The following PARD3 variants were observed in gnomAD, a reference collection of about 807,000 sequenced individuals.
PARD3 encodes par-3 family cell polarity regulator.
PARD3 carries 75 observed loss-of-function variants against 155.4 expected under a neutral mutation model. The observed-to-expected ratio is 0.48, with a 90% CI of 0.40 to 0.58. PARD3 has a LOEUF of 0.58. Among genes scored for constraint, PARD3 ranks in the 20% least tolerant of loss-of-function variants. The pLI is 0.00. For synonymous variants in PARD3, 576 were observed against 610.5 expected, an observed-to-expected ratio of 0.94 and a Z score of 0.83; for missense variants, 1,642 against 1,721.7, an observed-to-expected ratio of 0.95 and a Z score of 0.82.
At chr10:34,387,535 C>T (rs1233912796) in intron 7 of PARD3, among the ~76,000 whole-genome samples, 1 of 152,148 alleles carries the variant, frequency 6.6e-6, no homozygotes, top group Admixed American at 6.5e-5. Flanking sequence ...CTGCCTCAGC[C>T]TCCTGAGTAG....
chr10:34,594,215 C>T (rs1352164349), intron 2 of PARD3, among the ~76,000 whole-genome samples: 1 of 152,082 alleles, frequency 6.6e-6, no homozygotes, highest in East Asian at 1.9e-4. Context: ...TTCTGTTCAA[C>T]CTAAGCATGC....
rs1844736689 is a variant in PARD3 at position 34,815,033 on chromosome 10, A to C, written c.-38T>G. ...GCGGGCGGGCCCGCGCCCCTCGCCGAGCGCAGCCGGAGCAGCCGAGGCCGG... is the reference window on the plus strand; with the variant it reads ...GCGGGCGGGCCCGCGCCCCTCGCCGCGCGCAGCCGGAGCAGCCGAGGCCGG... On this transcript the variant is annotated 5_prime_UTR_variant, in exon 1 of 25. Coordinates refer to ENST00000374788, the MANE Select transcript of PARD3 (RefSeq NM_001184785.2). The C allele has an allele frequency of 7.4e-7, 1 of 1,355,716 alleles. No homozygotes were observed. The allele number at this position is 1,355,716 out of a possible 1,614,324, so 84.0% of individuals were successfully genotyped here. A position where few individuals can be genotyped will look rare whatever the true frequency, so the allele number is the denominator to read the frequency against.
chr10:34,736,273 G>A (rs1337792926), intron 1 of PARD3, among the ~76,000 whole-genome samples: 14 of 150,534 alleles, frequency 9.3e-5, no homozygotes, highest in East Asian at 3.9e-4. Flanking sequence ...CTCATGATCC[G>A]CCTGCCTCGG....
intron 22 of PARD3, among the ~76,000 whole-genome samples, chr10:34,165,621 T>A (rs181878004): frequency 4.7e-4 from 71 of 152,316 alleles, no homozygotes; most frequent in African/African-American, 1.7e-3. Flanking sequence ...TCCCACTGCA[T>A]TCTCAAATGA....
At chr10:34,720,798 C>A (rs1218515375) in intron 1 of PARD3, among the ~76,000 whole-genome samples, 10 of 144,706 alleles carry the variant, frequency 6.9e-5, no homozygotes, top group Admixed American at 6.8e-5. Context: ...ACTCTGTCTC[C>A]AAAAAAAAAA....
chr10:34,471,962 T>C (rs910043872), intron 3 of PARD3, among the ~76,000 whole-genome samples: 1 of 152,192 alleles, frequency 6.6e-6, no homozygotes, highest in African/African-American at 2.4e-5. Context: ...TATGGAAACC[T>C]TGAGGATACC....
chr10:34,261,111 G>A (rs192190855), intron 22 of PARD3, among the ~76,000 whole-genome samples: 14 of 152,184 alleles, frequency 9.2e-5, no homozygotes, highest in Admixed American at 7.2e-4. Flanking sequence ...GACACAGTTC[G>A]TATTTTATTC....
intron 22 of PARD3, among the ~76,000 whole-genome samples, chr10:34,217,859 C>T (rs1564491155): frequency 1.3e-5 from 2 of 151,878 alleles, no homozygotes; most frequent in African/African-American, 4.8e-5. Flanking sequence ...GAGGTAGACA[C>T]CAAAAGGTAC....
intron 15 of PARD3, among the ~76,000 whole-genome samples, chr10:34,347,394 G>C (rs1837544686): frequency 6.6e-6 from 1 of 152,188 alleles, no homozygotes; most frequent in Non-Finnish European, 1.5e-5. Flanking sequence ...GGATGGTACT[G>C]AATCCAAACA....
intron 3 of PARD3, among the ~76,000 whole-genome samples, chr10:34,480,013 G>A (rs1489906818): frequency 3.9e-5 from 6 of 152,236 alleles, no homozygotes; most frequent in Non-Finnish European, 8.8e-5. Context: ...CAGGAAGGCT[G>A]AATAAGCCTG....
chr10:34,417,309 G>C (rs531680146), intron 5 of PARD3, among the ~76,000 whole-genome samples: 1 of 152,238 alleles, frequency 6.6e-6, no homozygotes, highest in East Asian at 1.9e-4. Flanking sequence ...CAGTATTCAG[G>C]TAAGAATGAA....
intron 2 of PARD3, among the ~76,000 whole-genome samples, chr10:34,680,618 A>T (rs1203556142): frequency 6.6e-6 from 1 of 151,804 alleles, no homozygotes; most frequent in African/African-American, 2.4e-5. Context: ...AAAGATAAAG[A>T]AAGAAAACGT....
chr10:34,474,521 A>G lies in PARD3; in HGVS notation c.404-4258T>C, dbSNP rs2078577274. Among the ~76,000 whole-genome samples the G allele has an allele frequency of 3.9e-5, 6 of 152,350 alleles. No homozygotes were observed. The South Asian group carries it at 1.2e-3, about 32-fold the overall frequency. On this transcript the variant is annotated intron_variant, in intron 3 of 24. Transcript: ENST00000374788. Reference sequence around the variant, plus strand: ...CACACACACATACACACGCGTGCACAAAGTTTAGTAACAGTGTACTAGAAC... The same window carrying G: ...CACACACACATACACACGCGTGCACGAAGTTTAGTAACAGTGTACTAGAAC...
At position 34,690,094 on chromosome 10, in the gene PARD3, C is replaced by T. The variant is rs2094026307; in HGVS notation, c.222+6224G>A. On this transcript the variant is annotated intron_variant, in intron 2 of 24. Transcript: ENST00000374788. ...AAGTAGCTGGGATTACAGGCACATG[C>T]CACCACACCCAGCTAATTTTTGTAT... 2.0e-5 allele frequency among the ~76,000 whole-genome samples: 3 copies of T among 152,176 alleles called. 1 individual carries two copies. The South Asian group carries it at 6.2e-4, about 31-fold the overall frequency.
At chr10:34,715,276 C>T (rs1187982378) in intron 1 of PARD3, among the ~76,000 whole-genome samples, 1 of 152,006 alleles carries the variant, frequency 6.6e-6, no homozygotes, top group South Asian at 2.1e-4. Flanking sequence ...CAAGGTCTCG[C>T]TGTGTTGCCC....
At chr10:34,416,532 A>T (rs954515075) in intron 5 of PARD3, among the ~76,000 whole-genome samples, 1 of 152,198 alleles carries the variant, frequency 6.6e-6, no homozygotes, top group African/African-American at 2.4e-5. Flanking sequence ...TTAAGCACCT[A>T]TCAGGGCCAG....
At chr10:34,561,226 C>T (rs2085446266) in intron 2 of PARD3, among the ~76,000 whole-genome samples, 1 of 152,250 alleles carries the variant, frequency 6.6e-6, no homozygotes, top group African/African-American at 2.4e-5. Flanking sequence ...CCACCATCCC[C>T]GAACCTTTTT....
intron 1 of PARD3, among the ~76,000 whole-genome samples, chr10:34,735,769 C>G (rs10450320): frequency 6.6e-6 from 1 of 152,060 alleles, no homozygotes; most frequent in East Asian, 1.9e-4. Flanking sequence ...AAGTAAGTGG[C>G]GGATATCAGT....
At chr10:34,629,139 G>GA (rs983643904) in intron 2 of PARD3, among the ~76,000 whole-genome samples, 1 of 152,200 alleles carries the variant, frequency 6.6e-6, no homozygotes, top group Admixed American at 6.5e-5. Context: ...TCCCTGGGCA[G>GA]AAACACAGGC....
Sources: allele counts gnomAD v4.1 joint callset (sites outside exome capture counted in the v4.1 genomes callset), GRCh38; gene constraint gnomAD v4.1.1; transcripts MANE v1.5; gene names NCBI Gene and HGNC (gene_info 2026-07-23, HGNC 2026-07-21).